The following ZNRF2 variants were observed in gnomAD, a reference collection of about 807,000 sequenced individuals.
ZNRF2 encodes zinc and ring finger 2.
A neutral mutation model predicts 20.4 loss-of-function variants in ZNRF2; 16 were observed. The ratio of observed to expected loss-of-function variants is 0.79; its 90% CI spans 0.53 to 1.19. ZNRF2 has a LOEUF of 1.19. Ranked by LOEUF, ZNRF2 falls within the 50% of genes most tolerant of loss-of-function variation. ZNRF2 has a pLI of 0.00. For missense variants in ZNRF2, 363 were observed against 332.4 expected, an observed-to-expected ratio of 1.09 and a Z score of -0.72; for synonymous variants, 178 against 144.9, an observed-to-expected ratio of 1.23 and a Z score of -1.64.
At chr7:30,307,463 C>T (rs975036119) in intron 1 of ZNRF2, among the ~76,000 whole-genome samples, 1 of 148,640 alleles carries the variant, frequency 6.7e-6, no homozygotes. Context: ...CCAGGTAGAT[C>T]TCTGTAAGAT....
intron 1 of ZNRF2, among the ~76,000 whole-genome samples, chr7:30,296,167 C>G (rs901892400): frequency 3.3e-5 from 5 of 151,958 alleles, no homozygotes; most frequent in African/African-American, 1.2e-4. Context: ...ATGTATTGCT[C>G]TAGAAAGAAG....
chr7:30,285,155 G>C lies in ZNRF2; in HGVS notation c.-203G>C, dbSNP rs1298570582. The C allele has an allele frequency of 2.4e-6, 1 of 416,778 alleles. No homozygotes were observed. The highest frequency in any genetic ancestry group is 2.2e-5 in the African/African-American group (1 of 45,750). 25.8% of individuals were successfully genotyped at this position (416,778 alleles called of 1,614,324 possible). ...CTCCTCGTCTCCCGCGCCCGCGTCA[G>C]GCCGTCGGCCTCGCCCGCCGCCCCA... On this transcript the variant is annotated 5_prime_UTR_variant, in exon 1 of 5. Coordinates refer to ENST00000323037, the MANE Select transcript of ZNRF2 (RefSeq NM_147128.4).
chr7:30,324,549 A>C (rs1583582034), intron 2 of ZNRF2, among the ~76,000 whole-genome samples: 2 of 143,938 alleles, frequency 1.4e-5, no homozygotes, highest in African/African-American at 5.3e-5. Flanking sequence ...ACTCTGTCTC[A>C]AAAAAAAAAA....
At chr7:30,320,087 G>A (rs1349431817) in intron 1 of ZNRF2, among the ~76,000 whole-genome samples, 1 of 152,090 alleles carries the variant, frequency 6.6e-6, no homozygotes, top group Admixed American at 6.6e-5. Flanking sequence ...TGATTCATCT[G>A]TTGGTTGAGT....
intron 1 of ZNRF2, among the ~76,000 whole-genome samples, chr7:30,310,558 A>T (rs1799276404): frequency 6.6e-6 from 1 of 152,178 alleles, no homozygotes; most frequent in South Asian, 2.1e-4. Context: ...TGGGCACTGA[A>T]ATTTGAATTT....
intron 1 of ZNRF2, among the ~76,000 whole-genome samples, chr7:30,308,761 A>AT (rs916838066): frequency 1.3e-5 from 2 of 152,048 alleles, no homozygotes; most frequent in African/African-American, 4.8e-5. Context: ...TCAATATTTT[A>AT]TTTTTTTAAA....
intron 1 of ZNRF2, among the ~76,000 whole-genome samples, chr7:30,310,359 T>G (rs1266117384): frequency 6.6e-6 from 1 of 152,212 alleles, no homozygotes; most frequent in Non-Finnish European, 1.5e-5. Context: ...AAACAAATAT[T>G]TGGATATTTT....
At chr7:30,290,242 A>G (rs1798877084) in intron 1 of ZNRF2, among the ~76,000 whole-genome samples, 1 of 152,212 alleles carries the variant, frequency 6.6e-6, no homozygotes, top group South Asian at 2.1e-4. Flanking sequence ...TTTGTGAACA[A>G]AGGGTTCAGA....
At chr7:30,299,874 A>C (rs1215700674) in intron 1 of ZNRF2, among the ~76,000 whole-genome samples, 1 of 150,120 alleles carries the variant, frequency 6.7e-6, no homozygotes, top group South Asian at 2.1e-4. Context: ...CTGCCTCCCA[A>C]GTTCATGCCA....
rs375269427 is a variant in ZNRF2, at chr7:30,341,242, C to A, written c.566-14486C>A. ...TTTGTGTCTCTTATCTCCTTCAGTT[C>A]TGCTCTGAGTTTATTTATTTATTGT... On this transcript the variant is annotated intron_variant, in intron 2 of 4. Coordinates refer to ENST00000323037, the MANE Select transcript of ZNRF2 (RefSeq NM_147128.4). Among the ~76,000 whole-genome samples the A allele has an allele frequency of 1.1e-4, 17 of 151,970 alleles. No homozygotes were observed. In the East Asian group the frequency reaches 1.4e-3, roughly 12 times the overall value.
In ZNRF2 at chr7:30,366,233, G is replaced by C. The variant is rs974582614; in HGVS notation, c.*221G>C. The C allele has an allele frequency of 6.5e-6, 1 of 152,680 alleles. No homozygotes were observed. The highest frequency in any genetic ancestry group is 3.4e-3 in the Middle Eastern group (1 of 294). 9.5% of individuals were successfully genotyped at this position (152,680 alleles called of 1,614,324 possible). ...CCACAGAACTCAGTGTACCAAACAT[G>C]CATACAAAGGACACACAGGGATTTT... On this transcript the variant is annotated 3_prime_UTR_variant, in exon 5 of 5. Coordinates refer to ENST00000323037, the MANE Select transcript of ZNRF2 (RefSeq NM_147128.4).
intron 1 of ZNRF2, among the ~76,000 whole-genome samples, chr7:30,321,627 C>T (rs574524355): frequency 6.6e-6 from 1 of 152,188 alleles, no homozygotes; most frequent in South Asian, 2.1e-4. Flanking sequence ...TTTTTAGGTT[C>T]ACAGTATTGC....
intron 2 of ZNRF2, among the ~76,000 whole-genome samples, chr7:30,334,145 T>C (rs1376838817): frequency 6.6e-6 from 1 of 152,210 alleles, no homozygotes; most frequent in East Asian, 1.9e-4. Context: ...TGGAAGTCTT[T>C]AGTTCATCTT....
intron 1 of ZNRF2, among the ~76,000 whole-genome samples, chr7:30,292,813 A>T (rs1226066783): frequency 2.0e-5 from 3 of 152,234 alleles, no homozygotes; most frequent in Middle Eastern, 3.4e-3. Context: ...AGAAGATGAG[A>T]GCATAGTGGG....
At chr7:30,341,219 T>C (rs1583590047) in intron 2 of ZNRF2, among the ~76,000 whole-genome samples, 1 of 152,250 alleles carries the variant, frequency 6.6e-6, no homozygotes, top group South Asian at 2.1e-4. Flanking sequence ...AAGCGTTTTT[T>C]GTGTCTCTTA....
intron 1 of ZNRF2, among the ~76,000 whole-genome samples, chr7:30,316,754 T>C (rs1179948317): frequency 6.6e-6 from 1 of 152,132 alleles, no homozygotes; most frequent in Non-Finnish European, 1.5e-5. Flanking sequence ...TAGAAAACCG[T>C]GATAATTTAG....
intron 1 of ZNRF2, among the ~76,000 whole-genome samples, chr7:30,314,653 A>C (rs1249821183): frequency 6.6e-6 from 1 of 152,096 alleles, no homozygotes; most frequent in Non-Finnish European, 1.5e-5. Flanking sequence ...CAAAGACATA[A>C]AAATGTGTGC....
intron 3 of ZNRF2, among the ~76,000 whole-genome samples, chr7:30,360,696 A>G (rs1021854567): frequency 1.3e-5 from 2 of 152,206 alleles, no homozygotes; most frequent in African/African-American, 4.8e-5. Context: ...CTCCGTCTCA[A>G]AAAACAAAAA....
chr7:30,285,438 C>A lies in ZNRF2; in HGVS notation c.81C>A (p.Ser27Arg). 8.4e-7 allele frequency: 1 copy of A among 1,193,396 alleles called. No homozygotes were observed. Among genetic ancestry groups the A allele is most frequent in the South Asian group, 1.9e-5 (1 of 53,698 alleles). 73.9% of individuals were successfully genotyped at this position (1,193,396 alleles called of 1,614,324 possible). ...AYSGSDLPSS[S>R]SGGANGTAGG... The stretch of plus-strand genomic sequence containing the variant: ...CGGGCTCGGATCTACCTTCCAGTAG[C>A]AGCGGAGGCGCCAATGGGACCGCGG... Residue 27 changes from serine to arginine, a missense_variant, in exon 1 of 5, where the codon AGC becomes AGA. Physicochemically the swap from Ser to Arg is moderately radical, Grantham distance 110 (BLOSUM62 -1). Coordinates refer to ENST00000323037, the MANE Select transcript of ZNRF2 (RefSeq NM_147128.4).
Sources: allele counts gnomAD v4.1 joint callset (sites outside exome capture counted in the v4.1 genomes callset), GRCh38; gene constraint gnomAD v4.1.1; transcripts MANE v1.5; gene names NCBI Gene and HGNC (gene_info 2026-07-23, HGNC 2026-07-21).